Variants in KRTCAP2 observed in about 807,000 individuals in gnomAD.
KRTCAP2 encodes the protein keratinocyte associated protein 2.
Under a neutral mutation model 16.5 loss-of-function variants are expected in KRTCAP2, and 10 were observed. The ratio of observed to expected loss-of-function variants is 0.60; its 90% CI spans 0.37 to 1.02. The LOEUF (loss-of-function observed/expected upper bound fraction) is 1.02. Among genes scored for constraint, KRTCAP2 ranks in the 50% least tolerant of loss-of-function variants. The pLI is 0.01. For synonymous variants in KRTCAP2, 68 were observed against 69.8 expected, an observed-to-expected ratio of 0.97 and a Z score of 0.13; for missense variants, 152 against 159.6, an observed-to-expected ratio of 0.95 and a Z score of 0.26.
chr1:155,172,288 AAAACATCAGCCC>A, intron 3 of KRTCAP2: 4 of 1,303,194 alleles, frequency 3.1e-6, no homozygotes, highest in Non-Finnish European at 3.9e-6. Context: ...GAATAGATGC[AAAACATCAGCCC>A]AAATTTGCCT....
chr1:155,169,967 T>A, intron 3 of KRTCAP2, 110 bp from the exon 4 acceptor site: 1 of 708,700 alleles, frequency 1.4e-6, no homozygotes, highest in Admixed American at 2.2e-5. Context: ...GGGAACCTGC[T>A]TAGAAGGGTA....
In KRTCAP2 at chr1:155,169,609, C is replaced by T. The variant is rs1328212598; in HGVS notation, c.291-49G>A. 4 of 1,590,188 alleles carry T rather than the reference C, an allele frequency of 2.5e-6. No homozygotes were observed. In the Admixed American group the frequency reaches 5.1e-5, roughly 20 times the overall value. ...CATGGCACCAGTGGGCATCTGCCAG[C>T]CTGGTGCCTCCTAGGGAAGACACTA... On this transcript the variant is annotated intron_variant, in intron 4 of 4. Coordinates refer to ENST00000295682, the MANE Select transcript of KRTCAP2 (RefSeq NM_173852.4).
At chr1:155,170,899 C>T (rs1420313319) in intron 3 of KRTCAP2, 1 of 152,150 alleles carries the variant, frequency 6.6e-6, no homozygotes, top group African/African-American at 2.4e-5. Context: ...GCCTTGATCT[C>T]CTGGGCTCAA....
At chr1:155,172,919 G>A (rs200364715) in intron 1 of KRTCAP2, 27 bp from the exon 2 acceptor site, 189 of 1,611,092 alleles carry the variant, frequency 1.2e-4, no homozygotes, top group Admixed American at 5.0e-5. Flanking sequence ...AAGGGACGGA[G>A]AGTCAGGCTC....
At position 155,171,543 on chromosome 1, in the gene KRTCAP2, G is replaced by C. The variant is rs191360737; in HGVS notation, c.223+1022C>G. 183 of 984,828 alleles carry C rather than the reference G, an allele frequency of 1.9e-4. No individual in the cohort carries two copies. The East Asian group carries it at 0.01, about 56-fold the overall frequency. 61.0% of individuals were successfully genotyped at this position (984,828 alleles called of 1,614,324 possible). A position where few individuals can be genotyped will look rare whatever the true frequency, so the allele number is the denominator to read the frequency against. ...CCTGCAAAAGGGCTATGCGGAGAAA[G>C]CAAGTCCTAGAGGGGGGCAAAGAAA... is the stretch of plus-strand genomic sequence containing the variant. On this transcript the variant is annotated intron_variant, in intron 3 of 4. Transcript: ENST00000295682.
intron 4 of KRTCAP2, 21 bp from the exon 5 acceptor site, chr1:155,169,581 G>T: frequency 6.2e-7 from 1 of 1,611,856 alleles, no homozygotes; most frequent in Non-Finnish European, 8.5e-7. Flanking sequence ...AAGACAGAAA[G>T]GTCATGGCAC....
rs1310647180 is a variant in KRTCAP2, at chr1:155,169,861, G to A, written c.224-4C>T. The A allele has an allele frequency of 6.3e-7, 1 of 1,582,460 alleles. No homozygotes were observed. The highest frequency in any genetic ancestry group is 1.3e-5 in the African/African-American group (1 of 74,300). The stretch of plus-strand genomic sequence containing the variant: ...GCCAACAGGAGGCACAGGAGAACTA[G>A]GGAGGCAAGAAGAACAAGGAGGGCA... On this transcript the variant is annotated splice_polypyrimidine_tract_variant and splice_region_variant and intron_variant, in intron 3 of 4. Coordinates refer to ENST00000295682, the MANE Select transcript of KRTCAP2 (RefSeq NM_173852.4).
chr1:155,172,985 C>A (rs1484627535), intron 1 of KRTCAP2, 93 bp from the exon 2 acceptor site: 4 of 1,370,694 alleles, frequency 2.9e-6, no homozygotes, highest in African/African-American at 1.4e-5. Flanking sequence ...CTCGGTGGGC[C>A]GACCCCCTCC....
chr1:155,171,982 G>A, intron 3 of KRTCAP2: 1 of 988,010 alleles, frequency 1.0e-6, no homozygotes, highest in Non-Finnish European at 1.2e-6. Flanking sequence ...AAGTAATCTG[G>A]CCTTGACACT....
Position 155,172,609 on chromosome 1 carries a change from T to C in KRTCAP2, c.179A>G (p.Asn60Ser), listed in dbSNP as rs1441191088. ...FSLTAFNNLE[N>S]LVFGKGFQAK... is the part of the protein sequence containing the mutation. Reference sequence around the variant, plus strand: ...TTGGAATCCTTTGCCAAAGACAAGATTCTCCAGATTATTGAAGGCCTGGTT... The same window carrying C: ...TTGGAATCCTTTGCCAAAGACAAGACTCTCCAGATTATTGAAGGCCTGGTT... The change falls in exon 3 of 5, where the codon AAT (asparagine) becomes AGT (serine). Residue 60 changes from asparagine (N) to serine (S), a missense_variant. By Grantham distance (46) the Asn-to-Ser change is conservative (BLOSUM62 1). Coordinates refer to ENST00000295682, the MANE Select transcript of KRTCAP2 (RefSeq NM_173852.4). 1.2e-6 allele frequency: 2 copies of C among 1,614,238 alleles called. No individual in the cohort carries two copies. Among genetic ancestry groups the C allele is most frequent in the Non-Finnish European group, 1.7e-6 (2 of 1,180,048 alleles).
chr1:155,172,143 C>T, intron 3 of KRTCAP2: 6 of 1,010,484 alleles, frequency 5.9e-6, no homozygotes, highest in Non-Finnish European at 7.1e-6. Context: ...ATATTTGGTG[C>T]CTCTAGTATT....
chr1:155,171,847 CAAAA>C (rs56344097), intron 3 of KRTCAP2: 4,865 of 649,216 alleles, frequency 7.5e-3, no homozygotes, highest in Middle Eastern at 0.014. Context: ...AGCCTTGTCT[CAAAA>C]AAAAAAAAAA....
In KRTCAP2 at chr1:155,170,462, G is replaced by A. The variant is rs116086598; in HGVS notation, c.224-605C>T. On this transcript the variant is annotated intron_variant, in intron 3 of 4. Coordinates refer to ENST00000295682, the MANE Select transcript of KRTCAP2 (RefSeq NM_173852.4). ...CCTCCCATAAAAGGAAAAAGGAAAG[G>A]TGATGGACAACAGAGTCTGAAGGGC... 9.2e-3 allele frequency: 1,409 copies of A among 152,424 alleles called. 11 individuals carry two copies. The highest frequency in any genetic ancestry group is 0.016 in the Non-Finnish European group (1,058 of 68,156). The allele number at this position is 152,424 out of a possible 1,614,324, so 9.4% of individuals were successfully genotyped here. A position where few individuals can be genotyped will look rare whatever the true frequency, so the allele number is the denominator to read the frequency against.
rs185113349 is a variant in KRTCAP2, at chr1:155,172,925, G to A, written c.5-33C>T. 20 of 1,608,290 alleles carry A rather than the reference G, an allele frequency of 1.2e-5. No homozygotes were observed. In the East Asian group the frequency reaches 4.5e-4, roughly 36 times the overall value. On this transcript the variant is annotated intron_variant, in intron 1 of 4. Coordinates refer to ENST00000295682, the MANE Select transcript of KRTCAP2 (RefSeq NM_173852.4). Reference sequence around the variant, plus strand: ...GGATGGGAGAAGGGACGGAGAGTCAGGCTCCGCCCTCCCTCCGGCAAGCTA... The same window carrying A: ...GGATGGGAGAAGGGACGGAGAGTCAAGCTCCGCCCTCCCTCCGGCAAGCTA...
chr1:155,170,591 G>A (rs977526461), intron 3 of KRTCAP2: 2 of 152,310 alleles, frequency 1.3e-5, no homozygotes, highest in Non-Finnish European at 2.9e-5. Context: ...GAAGTTGAAG[G>A]CCTTGCTCCC....
In KRTCAP2 at chr1:155,172,559, A is replaced by G; in HGVS notation, c.223+6T>C. 1.2e-6 allele frequency: 2 copies of G among 1,614,174 alleles called. No individual in the cohort carries two copies. Among genetic ancestry groups the G allele is most frequent in the Non-Finnish European group, 1.7e-6 (2 of 1,180,030 alleles). On this transcript the variant is annotated splice_donor_region_variant and intron_variant, in intron 3 of 4. Coordinates refer to ENST00000295682, the MANE Select transcript of KRTCAP2 (RefSeq NM_173852.4). ...TTCAAATACTCAAGCTCCAATATTCACTTACTCTCAGGGAAGATCTTTGCT... is the reference window on the plus strand; with the variant it reads ...TTCAAATACTCAAGCTCCAATATTCGCTTACTCTCAGGGAAGATCTTTGCT...
At position 155,169,732 on chromosome 1, in the gene KRTCAP2, T is replaced by A. The variant is rs1665181104; in HGVS notation, c.290+59A>T. The stretch of plus-strand genomic sequence containing the variant: ...AGGAAAAACTCTGGCACCATCACAG[T>A]AAGATCCAATGCCAAAAAACGGAAT... On this transcript the variant is annotated intron_variant, in intron 4 of 4. Transcript: ENST00000295682. 4 of 1,442,588 alleles carry A rather than the reference T, an allele frequency of 2.8e-6. No individual in the cohort carries two copies. The South Asian group carries it at 3.6e-5, about 13-fold the overall frequency. The allele number at this position is 1,442,588 out of a possible 1,614,324, so 89.4% of individuals were successfully genotyped here.
intron 3 of KRTCAP2, chr1:155,170,140 G>T: frequency 3.9e-6 from 1 of 254,182 alleles, no homozygotes. Context: ...GAACAACAAA[G>T]TGAGACCCAT....
At position 155,172,754 on chromosome 1, in the gene KRTCAP2, A is replaced by T; in HGVS notation, c.143T>A (p.Phe48Tyr). The T allele has an allele frequency of 1.2e-6, 2 of 1,614,166 alleles. No individual in the cohort carries two copies. The highest frequency in any genetic ancestry group is 1.7e-6 in the Non-Finnish European group (2 of 1,180,024). Residue 48 changes from phenylalanine (F) to tyrosine (Y), a missense_variant, in exon 2 of 5, where the codon TTC becomes TAC. Phe to Tyr is a conservative substitution (Grantham distance 22). Transcript: ENST00000295682. The stretch of plus-strand genomic sequence containing the variant: ...GGAGGATACAGTGAGCGAGAACACG[A>T]AGAGACCCGAACCAAGCAGGCCGCC... ...IQGGLLGSGL[F>Y]VFSLTAFNNL... is the part of the protein sequence containing the mutation.
Sources: allele counts gnomAD v4.1 joint callset, GRCh38; gene constraint gnomAD v4.1.1; transcripts MANE v1.5; gene names NCBI Gene and HGNC (gene_info 2026-07-23, HGNC 2026-07-21).